Variants in DAP observed in about 807,000 individuals in gnomAD.
DAP encodes the protein death-associated protein 1.
Under a neutral mutation model 13.8 loss-of-function variants are expected in DAP, and 8 were observed. The ratio of observed to expected loss-of-function variants is 0.58; its 90% confidence interval spans 0.34 to 1.05. DAP has a LOEUF of 1.05. Ranked by LOEUF, DAP falls within the 50% of genes least tolerant of loss-of-function variation. DAP has a pLI of 0.03. For missense variants in DAP, 106 were observed against 133.2 expected, an observed-to-expected ratio of 0.80 and a Z score of 1.01; for synonymous variants, 47 against 47.5, an observed-to-expected ratio of 0.99 and a Z score of 0.04.
At chr5:10,757,452 T>C (rs1740218163) in intron 1 of DAP, among the ~76,000 whole-genome samples, 1 of 152,152 alleles carries the variant, frequency 6.6e-6, no homozygotes, top group East Asian at 1.9e-4. Flanking sequence ...TTTTGTATTT[T>C]TGGTAGAGAC....
chr5:10,697,930 C>T (rs1022988253), intron 2 of DAP, among the ~76,000 whole-genome samples: 2 of 152,130 alleles, frequency 1.3e-5, no homozygotes, highest in African/African-American at 4.8e-5. Context: ...AGGTGTCTGG[C>T]TGGAAAGTCA....
At chr5:10,758,845 G>C (rs1028651882) in intron 1 of DAP, among the ~76,000 whole-genome samples, 3 of 152,188 alleles carry the variant, frequency 2.0e-5, no homozygotes, top group Non-Finnish European at 4.4e-5. Context: ...TGTTTACTCT[G>C]CAATTCAAAG....
intron 2 of DAP, among the ~76,000 whole-genome samples, chr5:10,694,841 G>A (rs1379558486): frequency 6.6e-6 from 1 of 152,150 alleles, no homozygotes; most frequent in Non-Finnish European, 1.5e-5. Context: ...AGTCTCCTCA[G>A]GAAAGCACAG....
chr5:10,750,011 G>C (rs909549871), intron 1 of DAP, among the ~76,000 whole-genome samples: 1 of 152,244 alleles, frequency 6.6e-6, no homozygotes, highest in East Asian at 1.9e-4. Flanking sequence ...AGAGAGAGGC[G>C]TTCGGGAGAG....
intron 2 of DAP, among the ~76,000 whole-genome samples, chr5:10,745,724 G>A (rs1366820693): frequency 5.3e-5 from 8 of 152,186 alleles, no homozygotes; most frequent in Admixed American, 5.2e-4. Context: ...TAGGGAACTA[G>A]CTATCTGTAC....
chr5:10,723,708 A>C (rs1416054895), intron 2 of DAP, among the ~76,000 whole-genome samples: 1 of 152,244 alleles, frequency 6.6e-6, no homozygotes, highest in Non-Finnish European at 1.5e-5. Context: ...TCCAGGCCAG[A>C]TACTAAAGCA....
At chr5:10,740,816 C>G (rs1340264369) in intron 2 of DAP, among the ~76,000 whole-genome samples, 1 of 152,136 alleles carries the variant, frequency 6.6e-6, no homozygotes, top group Non-Finnish European at 1.5e-5. Flanking sequence ...GACAGAAACC[C>G]AGTGGGAAGA....
At chr5:10,696,050 T>C (rs1579789765) in intron 2 of DAP, among the ~76,000 whole-genome samples, 1 of 152,290 alleles carries the variant, frequency 6.6e-6, no homozygotes, top group Admixed American at 6.5e-5. Context: ...AGAAAGCTCC[T>C]GTGTGCCCAG....
intron 2 of DAP, among the ~76,000 whole-genome samples, chr5:10,741,842 G>A (rs566317295): frequency 6.6e-6 from 1 of 152,374 alleles, no homozygotes; most frequent in East Asian, 1.9e-4. Context: ...TTTCCCAGCT[G>A]AGGCTGAAGG....
chr5:10,721,503 A>C (rs992781389), intron 2 of DAP, among the ~76,000 whole-genome samples: 2 of 152,198 alleles, frequency 1.3e-5, no homozygotes, highest in African/African-American at 4.8e-5. Context: ...TCTAGATGAA[A>C]TCAGTCTACA....
intron 2 of DAP, among the ~76,000 whole-genome samples, chr5:10,693,367 C>T (rs752487314): frequency 2.0e-5 from 3 of 152,208 alleles, no homozygotes; most frequent in Non-Finnish European, 1.5e-5. Flanking sequence ...GAAGCATGTA[C>T]ACAGAAGGCA....
At chr5:10,693,350 T>C (rs1434429894) in intron 2 of DAP, among the ~76,000 whole-genome samples, 1 of 152,206 alleles carries the variant, frequency 6.6e-6, no homozygotes, top group Non-Finnish European at 1.5e-5. Flanking sequence ...ATGTACTCTA[T>C]CAGCAGGAAG....
At chr5:10,690,904 G>A (rs1213626435) in intron 2 of DAP, among the ~76,000 whole-genome samples, 1 of 152,150 alleles carries the variant, frequency 6.6e-6, no homozygotes, top group Non-Finnish European at 1.5e-5. Context: ...CACCAGCAAC[G>A]CACATGGGTT....
chr5:10,752,348 C>CA (rs1457387797), intron 1 of DAP, among the ~76,000 whole-genome samples: 3 of 152,210 alleles, frequency 2.0e-5, no homozygotes, highest in South Asian at 2.1e-4. Context: ...ACAATACTGC[C>CA]AAAAAATATG....
At chr5:10,722,485 T>C (rs930499341) in intron 2 of DAP, among the ~76,000 whole-genome samples, 24 of 150,988 alleles carry the variant, frequency 1.6e-4, no homozygotes, top group Non-Finnish European at 3.2e-4. Context: ...ATAAACTCTC[T>C]CTCTATATAT....
intron 2 of DAP, among the ~76,000 whole-genome samples, chr5:10,732,245 T>A (rs1739483161): frequency 6.6e-6 from 1 of 152,260 alleles, no homozygotes; most frequent in Non-Finnish European, 1.5e-5. Flanking sequence ...ATTTAGTGGC[T>A]TTTAATACAT....
At chr5:10,690,944 G>A (rs745527046) in intron 2 of DAP, among the ~76,000 whole-genome samples, 10 of 151,770 alleles carry the variant, frequency 6.6e-5, no homozygotes, top group African/African-American at 9.7e-5. Context: ...GCCAACGCTC[G>A]TTGTTTTCTG....
chr5:10,681,330 T>C (rs1284509416), intron 3 of DAP, among the ~76,000 whole-genome samples, 161 bp from the exon 4 acceptor site: 2 of 148,046 alleles, frequency 1.4e-5, no homozygotes, highest in Non-Finnish European at 3.0e-5. Flanking sequence ...GTAGGAAGCA[T>C]GGGGTTTGTA....
intron 1 of DAP, among the ~76,000 whole-genome samples, chr5:10,758,204 G>A (rs1325191283): frequency 1.4e-5 from 2 of 145,618 alleles, no homozygotes; most frequent in South Asian, 2.2e-4. Flanking sequence ...GTAGTGGGCC[G>A]CCTTTTTTTT....
Sources: gnomAD v4.1 joint callset for allele counts (sites outside exome capture counted in the v4.1 genomes callset) on GRCh38, gnomAD v4.1.1 for gene constraint, MANE v1.5 for transcripts, NCBI Gene and HGNC (gene_info 2026-07-23, HGNC 2026-07-21) for gene names.